VPS13D: variants seen among roughly 807,000 people sequenced by gnomAD.
The protein encoded by VPS13D is vacuolar protein sorting 13 homolog D, also known as intermembrane lipid transfer protein VPS13D.
A neutral mutation model predicts 461.9 loss-of-function variants in VPS13D; 187 were observed. The observed-to-expected ratio is 0.40, with a 90% CI of 0.36 to 0.46. The LOEUF is 0.46. VPS13D is among the 20% of genes least tolerant of loss of function. The pLI, the probability that VPS13D is intolerant of heterozygous loss-of-function variation, is 0.60. For missense variants in VPS13D, 4,711 were observed against 5,364.9 expected (o/e 0.88, Z 3.81); for synonymous variants, 1,951 against 1,986.3 (o/e 0.98, Z 0.47).
intron 58 of VPS13D, among the ~76,000 whole-genome samples, chr1:12,383,990 T>C (rs764542093): frequency 6.6e-6 from 1 of 152,160 alleles, no homozygotes; most frequent in Non-Finnish European, 1.5e-5. Flanking sequence ...CTGAGATACA[T>C]ACTAAAGAAT....
At chr1:12,481,363 C>A (rs1035309779) in intron 67 of VPS13D, among the ~76,000 whole-genome samples, 1 of 152,162 alleles carries the variant, frequency 6.6e-6, no homozygotes, top group African/African-American at 2.4e-5. Flanking sequence ...CTTCCCTGAC[C>A]TGAAAGGGCC....
At chr1:12,258,815 T>G (rs1205359231) in intron 10 of VPS13D, among the ~76,000 whole-genome samples, 1 of 152,212 alleles carries the variant, frequency 6.6e-6, no homozygotes, top group Admixed American at 6.5e-5. Flanking sequence ...TAGACTCTTC[T>G]AAGCACAAAG....
At chr1:12,290,830 G>A (rs530735409) in intron 22 of VPS13D, among the ~76,000 whole-genome samples, 168 bp from the exon 23 acceptor site, 3 of 150,702 alleles carry the variant, frequency 2.0e-5, no homozygotes, top group South Asian at 4.2e-4. Flanking sequence ...TTTAAATATT[G>A]CATAAAATAT....
At chr1:12,249,127 A>ACC in intron 5 of VPS13D, 96 bp from the exon 6 acceptor site, 1 of 986,912 alleles carries the variant, frequency 1.0e-6, no homozygotes, top group Non-Finnish European at 1.5e-6. Flanking sequence ...ATAGTATTTC[A>ACC]CCTACAGCAG....
chr1:12,290,639 C>T (rs559944449), intron 22 of VPS13D, among the ~76,000 whole-genome samples: 1 of 151,376 alleles, frequency 6.6e-6, no homozygotes, highest in African/African-American at 2.4e-5. Flanking sequence ...AGGAGAATGG[C>T]GTGAACCCGG....
chr1:12,456,812 T>C (rs1003131173), intron 66 of VPS13D, among the ~76,000 whole-genome samples: 1 of 152,216 alleles, frequency 6.6e-6, no homozygotes, highest in Non-Finnish European at 1.5e-5. Context: ...TTCCTTTTCG[T>C]TCTCTGGCTT....
In VPS13D at chr1:12,322,684, G is replaced by A. The variant is rs778588581; in HGVS notation, c.7853G>A (p.Gly2618Asp). ...GACTCCGTTGGCACTTACCTTCCAG[G>A]TGCATCTCGCGTTGGAGAGGAAATC... ...ESDSVGTYLP[G>D]ASRVGEEIRE... Residue 2618 changes from glycine to aspartate, a missense_variant, in exon 34 of 70, where the codon GGT becomes GAT. Coordinates refer to ENST00000620676, the MANE Select transcript of VPS13D (RefSeq NM_015378.4). 1.9e-6 allele frequency: 3 copies of A among 1,614,052 alleles called. No homozygotes were observed. Among genetic ancestry groups the A allele is most frequent in the Admixed American group, 1.7e-5 (1 of 60,004 alleles).
chr1:12,274,556 CCTGT>C (rs1266455341), intron 18 of VPS13D, among the ~76,000 whole-genome samples: 5 of 152,288 alleles, frequency 3.3e-5, no homozygotes, highest in Middle Eastern at 3.4e-3. Context: ...AAGCAATCTG[CCTGT>C]CTTAGTCTCC....
At chr1:12,386,384 A>G (rs1173450101) in intron 60 of VPS13D, 50 bp downstream of exon 60, 8 of 1,531,640 alleles carry the variant, frequency 5.2e-6, no homozygotes, top group Middle Eastern at 1.7e-4. Flanking sequence ...CATGCTGATC[A>G]CCCAACCAGA....
rs1334208411 is a variant in VPS13D, at chr1:12,505,274, C to G, written c.12795-1579C>G. Among the ~76,000 whole-genome samples, 3 of 152,178 alleles carry G rather than the reference C, an allele frequency of 2.0e-5. No individual in the cohort carries two copies. Among genetic ancestry groups the G allele is most frequent in the Non-Finnish European group, 4.4e-5 (3 of 68,044 alleles). On this transcript the variant is annotated intron_variant, in intron 68 of 69. Transcript: ENST00000620676. This position sits in a 1 kb window ranked among gnomAD's most constrained non-coding sequence, Gnocchi z 4.2. ...TCTTTCCCTGTGCCCTCCTTTCTTC[C>G]CCGGACCAGCTATTTCAGATTCCAT...
chr1:12,261,756 A>G (rs1358573281), intron 12 of VPS13D, 145 bp from the exon 13 acceptor site: 3 of 665,756 alleles, frequency 4.5e-6, no homozygotes, highest in South Asian at 2.4e-5. Flanking sequence ...AATATTATAA[A>G]ATAGTCACCC....
intron 42 of VPS13D, among the ~76,000 whole-genome samples, chr1:12,344,133 C>G (rs1354213989): frequency 6.6e-6 from 1 of 152,136 alleles, no homozygotes; most frequent in Non-Finnish European, 1.5e-5. Context: ...AAGTATTTTT[C>G]TATGCACAGG....
chr1:12,238,218 C>A (rs1640225177), intron 2 of VPS13D, among the ~76,000 whole-genome samples: 1 of 106,126 alleles, frequency 9.4e-6, no homozygotes, highest in Non-Finnish European at 1.8e-5. Flanking sequence ...TAAAATAATC[C>A]CCAAAAAATC....
chr1:12,308,742 G>A, intron 27 of VPS13D, 101 bp downstream of exon 27: 1 of 1,100,582 alleles, frequency 9.1e-7, no homozygotes, highest in Non-Finnish European at 1.3e-6. Flanking sequence ...CTCCACCTCT[G>A]AGGTTCAAGT....
At chr1:12,264,487 G>A (rs537220808) in intron 13 of VPS13D, among the ~76,000 whole-genome samples, 1 of 152,362 alleles carries the variant, frequency 6.6e-6, no homozygotes, top group South Asian at 2.1e-4. Context: ...ACACATGAAT[G>A]ATCAGAAAGC....
At chr1:12,345,226 G>A in intron 42 of VPS13D, 148 bp from the exon 43 acceptor site, 2 of 843,914 alleles carry the variant, frequency 2.4e-6, no homozygotes, top group Non-Finnish European at 3.6e-6. Context: ...CTGTGCTCCT[G>A]ATTTCCCTTG....
At chr1:12,478,925 G>A (rs375583988) in intron 67 of VPS13D, 68 of 454,558 alleles carry the variant, frequency 1.5e-4, no homozygotes, top group African/African-American at 8.2e-4. Flanking sequence ...GGATGATGCC[G>A]TTTTCCTTCC....
In VPS13D at chr1:12,333,517, C is replaced by T. The variant is rs767181717; in HGVS notation, c.8428+151C>T. On this transcript the variant is annotated intron_variant, in intron 38 of 69. Transcript: ENST00000620676. Reference sequence around the variant, plus strand: ...TGCTTTCCTGATCAACCCTAATAGCCTCTTGATTCTCAACCTGTTTCTCCA... The same window carrying T: ...TGCTTTCCTGATCAACCCTAATAGCTTCTTGATTCTCAACCTGTTTCTCCA... 29 of 918,726 alleles carry T rather than the reference C, an allele frequency of 3.2e-5. No individual in the cohort carries two copies. The Admixed American group carries it at 6.1e-4, about 19-fold the overall frequency. The allele number at this position is 918,726 out of a possible 1,614,324, so 56.9% of individuals were successfully genotyped here. A position where few individuals can be genotyped will look rare whatever the true frequency, so the allele number is the denominator to read the frequency against.
rs1348890891 is a variant in VPS13D at position 12,400,960 on chromosome 1, G to GCACACACACA, written c.11784+631_11784+632insACACACACAC. Among the ~76,000 whole-genome samples the GCACACACACA allele has an allele frequency of 5.0e-3, 655 of 130,970 alleles. 1 individual carries two copies. The highest frequency in any genetic ancestry group is 8.3e-3 in the Admixed American group (109 of 13,116). 85.9% of individuals were successfully genotyped at this position (130,970 alleles called of 152,430 possible). On this transcript the variant is annotated intron_variant, in intron 61 of 69. Coordinates refer to ENST00000620676, the MANE Select transcript of VPS13D (RefSeq NM_015378.4). ...TAGAGTGAGATGTGCACCTGCGCGC[G>GCACACACACA]CGCACACACACACACACACACACAC...
Sources: allele counts gnomAD v4.1 joint callset (sites outside exome capture counted in the v4.1 genomes callset), GRCh38; gene constraint gnomAD v4.1.1; non-coding constraint Gnocchi (gnomAD v3.1); transcripts MANE v1.5; gene names NCBI Gene and HGNC (gene_info 2026-07-23, HGNC 2026-07-21).